The following RSPH6A variants were observed in gnomAD, a reference collection of about 807,000 sequenced individuals.
RSPH6A encodes the protein radial spoke head 6 homolog A, also known as radial spoke head protein 6 homolog A.
Under a neutral mutation model 66.1 loss-of-function variants are expected in RSPH6A, and 49 were observed. The ratio of observed to expected loss-of-function variants is 0.74; its 90% CI spans 0.59 to 0.94. The LOEUF is 0.94. Among genes scored for constraint, RSPH6A ranks in the 40% least tolerant of loss-of-function variants. The pLI is 0.00. For synonymous variants in RSPH6A, 419 were observed against 402.4 expected, an observed-to-expected ratio of 1.04 and a Z score of -0.49; for missense variants, 977 against 948.3, an observed-to-expected ratio of 1.03 and a Z score of -0.40.
At chr19:45,806,970 C>G (rs112400363) in intron 2 of RSPH6A, among the ~76,000 whole-genome samples, 12,642 of 151,412 alleles carry the variant, frequency 0.083, 618 homozygotes, top group Non-Finnish European at 0.1. Flanking sequence ...TCTCAGCTCA[C>G]TGCAACCTCC....
intron 3 of RSPH6A, among the ~76,000 whole-genome samples, chr19:45,802,844 A>G (rs1443217406): frequency 1.4e-5 from 2 of 146,862 alleles, no homozygotes; most frequent in African/African-American, 2.5e-5. Flanking sequence ...TTTGAGATGG[A>G]GTCTGGCTCT....
chr19:45,815,119 TC>T lies in RSPH6A; in HGVS notation c.57del (p.Thr20LeufsTer51). On this transcript the variant is annotated frameshift_variant, in exon 1 of 6. Coordinates refer to ENST00000221538, the MANE Select transcript of RSPH6A (RefSeq NM_030785.4). LOFTEE classifies it high-confidence loss of function. The stretch of plus-strand genomic sequence containing the variant: ...TGCCGCCTCTGGGAGGCCTGAGAAG[TC>T]CTCCGGCCCGGAGGCTGCTGGGCAG... ...ERPAQQPPGR[R>X]TSQASQRRHS... 6.2e-7 allele frequency: 1 copy of T among 1,612,114 alleles called. No individual in the cohort carries two copies. The highest frequency in any genetic ancestry group is 8.5e-7 in the Non-Finnish European group (1 of 1,179,942).
intron 5 of RSPH6A, among the ~76,000 whole-genome samples, chr19:45,798,290 C>T (rs1050282819): frequency 1.3e-5 from 2 of 151,360 alleles, no homozygotes; most frequent in African/African-American, 4.9e-5. Flanking sequence ...ACCTGGGAGG[C>T]GGAGGATGCA....
In RSPH6A at chr19:45,795,811, A is replaced by G; in HGVS notation, c.*58T>C. 2 of 1,445,884 alleles carry G rather than the reference A, an allele frequency of 1.4e-6. No individual in the cohort carries two copies. Among genetic ancestry groups the G allele is most frequent in the Non-Finnish European group, 1.9e-6 (2 of 1,057,868 alleles). 89.6% of individuals were successfully genotyped at this position (1,445,884 alleles called of 1,614,324 possible). A position where few individuals can be genotyped will look rare whatever the true frequency, so the allele number is the denominator to read the frequency against. On this transcript the variant is annotated 3_prime_UTR_variant, in exon 6 of 6. Transcript: ENST00000221538. ...AGTGAAAATATAATCCATGCTAACT[A>G]CCTCTAAGGGGAAATTTGCTATCTA...
Position 45,808,752 on chromosome 19 carries a change from C to A in RSPH6A, c.888+1851G>T, listed in dbSNP as rs367917438. ...TCTCAGCCCACTGCAAGCTCCGCCT[C>A]CTGGGTCCATGCCATTCTCCCGCCT... On this transcript the variant is annotated intron_variant, in intron 2 of 5. Transcript: ENST00000221538. Among the ~76,000 whole-genome samples the A allele has an allele frequency of 1.8e-4, 26 of 142,872 alleles. No homozygotes were observed. In the East Asian group the frequency reaches 5.3e-3, roughly 29 times the overall value. The allele number at this position is 142,872 out of a possible 152,430, so 93.7% of individuals were successfully genotyped here. A position where few individuals can be genotyped will look rare whatever the true frequency, so the allele number is the denominator to read the frequency against.
intron 4 of RSPH6A, among the ~76,000 whole-genome samples, chr19:45,801,781 A>C (rs118063843): frequency 0.033 from 4,676 of 143,012 alleles, 95 homozygotes; most frequent in Non-Finnish European, 0.034. Context: ...AATGACAACA[A>C]CACCACCACC....
At chr19:45,802,737 C>T (rs1234293302) in intron 3 of RSPH6A, among the ~76,000 whole-genome samples, 1 of 151,592 alleles carries the variant, frequency 6.6e-6, no homozygotes, top group Non-Finnish European at 1.5e-5. Flanking sequence ...GAACTCCTGA[C>T]CTCAAATGAT....
At chr19:45,798,162 C>A (rs1256833111) in intron 5 of RSPH6A, among the ~76,000 whole-genome samples, 1 of 151,552 alleles carries the variant, frequency 6.6e-6, no homozygotes, top group Non-Finnish European at 1.5e-5. Context: ...AGTTCGAGAC[C>A]AGCCTGGCCA....
chr19:45,803,316 G>A (rs562697997), intron 3 of RSPH6A, among the ~76,000 whole-genome samples: 32 of 151,912 alleles, frequency 2.1e-4, no homozygotes, highest in African/African-American at 7.2e-4. Context: ...GGAGGTCAGG[G>A]TAGCAGTGAG....
chr19:45,809,929 A>T (rs1240777906), intron 2 of RSPH6A, among the ~76,000 whole-genome samples: 1 of 152,218 alleles, frequency 6.6e-6, no homozygotes, highest in African/African-American at 2.4e-5. Flanking sequence ...ATGCTGAATC[A>T]TGCATTTTTT....
At chr19:45,797,770 G>T (rs1970424038) in intron 5 of RSPH6A, among the ~76,000 whole-genome samples, 1 of 151,636 alleles carries the variant, frequency 6.6e-6, no homozygotes, top group Admixed American at 6.6e-5. Flanking sequence ...CAGGAGGCTG[G>T]GGCATAAGAA....
At chr19:45,799,257 G>A (rs1970441528) in intron 5 of RSPH6A, among the ~76,000 whole-genome samples, 1 of 141,468 alleles carries the variant, frequency 7.1e-6, no homozygotes, top group Admixed American at 6.9e-5. Flanking sequence ...CAAACCCCCT[G>A]TCACGCAGCA....
chr19:45,800,535 G>T lies in RSPH6A; in HGVS notation c.1827C>A (p.Thr609=). The T allele has an allele frequency of 6.2e-7, 1 of 1,612,750 alleles. No homozygotes were observed. The highest frequency in any genetic ancestry group is 8.5e-7 in the Non-Finnish European group (1 of 1,179,596). ...AEIMHLAPWT[T]RLSCSLCPQY... ...GCGGGCAGAGGCTGCAGGACAGGCG[G>T]GTGGTCCAGGGTGCCAGGTGCATGA... is the stretch of plus-strand genomic sequence containing the variant. The change falls in exon 5 of 6, where the codon ACC becomes ACA. Residue 609 remains threonine (T), a synonymous_variant. Transcript: ENST00000221538.
In RSPH6A at chr19:45,804,530, A is replaced by G; in HGVS notation, c.1375T>C (p.Phe459Leu). ...ACTGGCGTGTCCAGGTAGCCTGTGA[A>G]GAACTTCTTGATCTTTCGGGCGTTC... Reference protein sequence around the residue: ...IVNARKIKKFFTGYLDTPVVS... With the variant: ...IVNARKIKKFLTGYLDTPVVS... The change falls in exon 3 of 6, where the codon TTC becomes CTC. Residue 459 changes from phenylalanine (F) to leucine (L), a missense_variant. Transcript: ENST00000221538. The surrounding 1 kb of genome is among the most constrained non-coding windows in gnomAD (Gnocchi z 5.8). The G allele has an allele frequency of 1.2e-6, 2 of 1,614,212 alleles. No individual in the cohort carries two copies. Among genetic ancestry groups the G allele is most frequent in the African/African-American group, 2.7e-5 (2 of 75,056 alleles).
Position 45,815,164 on chromosome 19 carries a change from G to T in RSPH6A, c.13C>A (p.Pro5Thr). Residue 5 changes from proline (P) to threonine (T), a missense_variant, in exon 1 of 6, where the codon CCG becomes ACG. Coordinates refer to ENST00000221538, the MANE Select transcript of RSPH6A (RefSeq NM_030785.4). MGDLPPYPERPAQQP... is the reference protein window; with the variant it reads MGDLTPYPERPAQQP... Reference sequence around the variant, plus strand: ...TGGGCAGGGCGCTCAGGGTAGGGCGGCAGGTCTCCCATGGTTCGCCAGGAG... The same window carrying T: ...TGGGCAGGGCGCTCAGGGTAGGGCGTCAGGTCTCCCATGGTTCGCCAGGAG... 1.2e-6 allele frequency: 2 copies of T among 1,603,974 alleles called. No individual in the cohort carries two copies.
At chr19:45,799,101 C>G (rs1970439597) in intron 5 of RSPH6A, among the ~76,000 whole-genome samples, 1 of 152,202 alleles carries the variant, frequency 6.6e-6, no homozygotes, top group African/African-American at 2.4e-5. Flanking sequence ...GTTAAAGTAT[C>G]CAGATTACAT....
chr19:45,802,286 G>T (rs1000906417), intron 3 of RSPH6A, 22 bp from the exon 4 acceptor site: 1 of 1,349,300 alleles, frequency 7.4e-7, no homozygotes, highest in South Asian at 2.1e-5. Context: ...GGGAAGCTCA[G>T]GTGATGGCCC....
At chr19:45,802,369 C>G (rs1970484744) in intron 3 of RSPH6A, 105 bp from the exon 4 acceptor site, 11 of 1,078,556 alleles carry the variant, frequency 1.0e-5, no homozygotes, top group Non-Finnish European at 1.2e-5. Flanking sequence ...TCCTCAGAGA[C>G]CCAGGCACAG....
intron 2 of RSPH6A, among the ~76,000 whole-genome samples, chr19:45,805,297 T>C (rs1162327427): frequency 6.6e-6 from 1 of 151,986 alleles, no homozygotes; most frequent in Non-Finnish European, 1.5e-5. Context: ...CCCAGGAGAC[T>C]GAGGCAGGAG....
Sources: gnomAD v4.1 joint callset for allele counts (sites outside exome capture counted in the v4.1 genomes callset) on GRCh38, gnomAD v4.1.1 for gene constraint, Gnocchi (gnomAD v3.1) non-coding constraint, MANE v1.5 for transcripts, NCBI Gene and HGNC (gene_info 2026-07-23, HGNC 2026-07-21) for gene names.